The following ZDHHC14 variants were observed in gnomAD, a reference collection of about 807,000 sequenced individuals.
ZDHHC14 encodes palmitoyltransferase ZDHHC14.
ZDHHC14 carries 16 observed loss-of-function variants against 47.7 expected under a neutral mutation model. The ratio of observed to expected loss-of-function variants is 0.34; its 90% CI spans 0.23 to 0.51. ZDHHC14 has a LOEUF of 0.51. ZDHHC14 is among the 20% of genes least tolerant of loss of function. ZDHHC14 has a pLI of 0.97. For synonymous variants in ZDHHC14, 293 were observed against 278.9 expected (o/e 1.05, Z -0.50); for missense variants, 515 against 662.5 (o/e 0.78, Z 2.44).
chr6:157,539,158 C>T (rs1277596281), intron 1 of ZDHHC14, among the ~76,000 whole-genome samples: 1 of 151,982 alleles, frequency 6.6e-6, no homozygotes, highest in Non-Finnish European at 1.5e-5. Flanking sequence ...TCCTGTAATC[C>T]CAGCACTTTG....
intron 8 of ZDHHC14, among the ~76,000 whole-genome samples, chr6:157,663,198 C>T (rs149703709): frequency 0.019 from 2,967 of 152,306 alleles, 48 homozygotes; most frequent in Non-Finnish European, 0.03. Flanking sequence ...GCTTCTACCC[C>T]CCTGGGAGTG....
chr6:157,453,538 C>G (rs112790252), intron 1 of ZDHHC14, among the ~76,000 whole-genome samples: 2,957 of 152,310 alleles, frequency 0.019, 99 homozygotes, highest in African/African-American at 0.067. Context: ...CTCTACTAAT[C>G]AGACCCCTGG....
chr6:157,487,041 C>T (rs1230450803), intron 1 of ZDHHC14, among the ~76,000 whole-genome samples: 3 of 152,226 alleles, frequency 2.0e-5, no homozygotes, highest in Admixed American at 6.5e-5. Context: ...AACTACTGGA[C>T]ACATAAGTAA....
chr6:157,499,548 T>C (rs1780148082), intron 1 of ZDHHC14, among the ~76,000 whole-genome samples: 1 of 150,046 alleles, frequency 6.7e-6, no homozygotes, highest in Admixed American at 6.8e-5. Flanking sequence ...GGGGAACCCA[T>C]TCGCTCCATA....
At chr6:157,458,626 G>A (rs912085303) in intron 1 of ZDHHC14, among the ~76,000 whole-genome samples, 1 of 152,092 alleles carries the variant, frequency 6.6e-6, no homozygotes, top group African/African-American at 2.4e-5. Flanking sequence ...GGTGGGGGCT[G>A]TGGGGCTCCT....
chr6:157,585,824 T>G (rs16900289), intron 2 of ZDHHC14, among the ~76,000 whole-genome samples: 26,952 of 152,210 alleles, frequency 0.18, 2,933 homozygotes, highest in African/African-American at 0.31. Flanking sequence ...TGGATAAGTT[T>G]TGAAAGAGTC....
intron 2 of ZDHHC14, among the ~76,000 whole-genome samples, chr6:157,585,191 G>A (rs1783644809): frequency 6.6e-6 from 1 of 151,990 alleles, no homozygotes; most frequent in Non-Finnish European, 1.5e-5. Flanking sequence ...TAGGTGACAA[G>A]AGCAAAACTC....
intron 1 of ZDHHC14, among the ~76,000 whole-genome samples, chr6:157,483,080 T>C (rs758804638): frequency 2.0e-5 from 3 of 152,188 alleles, no homozygotes; most frequent in Non-Finnish European, 4.4e-5. Flanking sequence ...CAAGATGTGA[T>C]AGCATGCCAG....
At chr6:157,635,488 G>T (rs1776927704) in intron 5 of ZDHHC14, among the ~76,000 whole-genome samples, 1 of 152,316 alleles carries the variant, frequency 6.6e-6, no homozygotes, top group African/African-American at 2.4e-5. Flanking sequence ...TCAATTTTTT[G>T]ACCTGCAATA....
At chr6:157,644,947 A>G (rs1777448165) in intron 5 of ZDHHC14, among the ~76,000 whole-genome samples, 1 of 152,116 alleles carries the variant, frequency 6.6e-6, no homozygotes, top group African/African-American at 2.4e-5. Context: ...GAAGAGCACC[A>G]AGCTTTTTCC....
intron 1 of ZDHHC14, among the ~76,000 whole-genome samples, chr6:157,458,868 T>TTTTTTTTTTTTTTTTTTTTTTTTG (rs1778995833): frequency 7.0e-6 from 1 of 143,438 alleles, no homozygotes. Flanking sequence ...TTTTTTTTTT[T>TTTTTTTTTTTTTTTTTTTTTTTTG]TTTGAGACGG....
intron 1 of ZDHHC14, among the ~76,000 whole-genome samples, chr6:157,388,387 G>A (rs937803554): frequency 2.0e-5 from 3 of 152,128 alleles, no homozygotes; most frequent in Non-Finnish European, 4.4e-5. Flanking sequence ...ATATCCTGGA[G>A]ATTTTTTTTT....
intron 2 of ZDHHC14, among the ~76,000 whole-genome samples, chr6:157,577,031 T>G (rs961693768): frequency 3.3e-5 from 5 of 152,116 alleles, no homozygotes; most frequent in Non-Finnish European, 7.4e-5. Flanking sequence ...CACCCTCAAG[T>G]AGGCCCCAGT....
chr6:157,455,080 C>T (rs749496978), intron 1 of ZDHHC14, among the ~76,000 whole-genome samples: 1 of 152,204 alleles, frequency 6.6e-6, no homozygotes, highest in Non-Finnish European at 1.5e-5. Flanking sequence ...CCTGATGTTT[C>T]CTGGGAGGCG....
chr6:157,540,171 A>G (rs1781693012), intron 1 of ZDHHC14, among the ~76,000 whole-genome samples: 1 of 152,172 alleles, frequency 6.6e-6, no homozygotes, highest in Non-Finnish European at 1.5e-5. Context: ...AAGTGCAAAT[A>G]CCAATCTACA....
chr6:157,548,407 G>C (rs913100931), intron 2 of ZDHHC14, among the ~76,000 whole-genome samples: 1 of 150,310 alleles, frequency 6.7e-6, no homozygotes, highest in South Asian at 2.1e-4. Flanking sequence ...GCTGCTTTCC[G>C]CCCTGTTCTT....
chr6:157,530,562 C>T (rs2114782215), intron 1 of ZDHHC14, among the ~76,000 whole-genome samples: 1 of 152,310 alleles, frequency 6.6e-6, no homozygotes, highest in Middle Eastern at 3.4e-3. Flanking sequence ...CTGATAGTCT[C>T]CAACTTGGTG....
intron 1 of ZDHHC14, among the ~76,000 whole-genome samples, chr6:157,479,000 G>T (rs766726720): frequency 6.6e-6 from 1 of 152,138 alleles, no homozygotes; most frequent in Admixed American, 6.5e-5. Context: ...AAAGGTCCGC[G>T]GGGAGACATA....
At chr6:157,474,453 A>T (rs1469663728) in intron 1 of ZDHHC14, among the ~76,000 whole-genome samples, 1 of 152,182 alleles carries the variant, frequency 6.6e-6, no homozygotes, top group Non-Finnish European at 1.5e-5. Context: ...GCTGGATCAT[A>T]TGGTAGTTCC....
Sources: gnomAD v4.1 joint callset for allele counts (sites outside exome capture counted in the v4.1 genomes callset) on GRCh38, gnomAD v4.1.1 for gene constraint, MANE v1.5 for transcripts, NCBI Gene and HGNC (gene_info 2026-07-23, HGNC 2026-07-21) for gene names.